WWOX: variants seen among roughly 807,000 people sequenced by gnomAD.
WWOX encodes WW domain-containing oxidoreductase.
WWOX carries 69 observed loss-of-function variants against 46.2 expected under a neutral mutation model. The observed-to-expected ratio is 1.49, with a 90% CI of 1.23 to 1.82. The LOEUF (loss-of-function observed/expected upper bound fraction) is 1.82. Among genes scored for constraint, WWOX ranks in the 40% most tolerant of loss-of-function variants. WWOX has a pLI of 0.00. For synonymous variants in WWOX, 359 were observed against 202.6 expected (o/e 1.77, Z -6.56); for missense variants, 919 against 542.6 (o/e 1.69, Z -6.89).
intron 8 of WWOX, among the ~76,000 whole-genome samples, chr16:79,102,574 A>G (rs1247364856): frequency 1.3e-5 from 2 of 152,214 alleles, no homozygotes; most frequent in African/African-American, 2.4e-5. Context: ...AGCTCAATAT[A>G]TAGCAAACGG....
chr16:79,020,369 C>T (rs949856348), intron 8 of WWOX, among the ~76,000 whole-genome samples: 2 of 152,082 alleles, frequency 1.3e-5, no homozygotes, highest in Non-Finnish European at 2.9e-5. Flanking sequence ...TTATGAATTC[C>T]GGCTCTGCCA....
chr16:78,858,698 G>C (rs1012186832), intron 8 of WWOX, among the ~76,000 whole-genome samples: 3 of 151,032 alleles, frequency 2.0e-5, no homozygotes, highest in Admixed American at 6.6e-5. Context: ...TTATTTTTTT[G>C]AGATAGTGTC....
intron 5 of WWOX, among the ~76,000 whole-genome samples, chr16:78,341,855 C>G (rs1597064941): frequency 8.3e-6 from 1 of 120,650 alleles, no homozygotes; most frequent in Non-Finnish European, 2.0e-5. Flanking sequence ...TGGTGCACAC[C>G]TGTAATTCTA....
At chr16:78,192,322 C>G (rs80289915) in intron 5 of WWOX, among the ~76,000 whole-genome samples, 6,176 of 152,048 alleles carry the variant, frequency 0.041, 202 homozygotes, top group East Asian at 0.17. Flanking sequence ...TGGCAAAACT[C>G]CGTCTCTACT....
At chr16:78,607,898 C>G (rs773994102) in intron 8 of WWOX, among the ~76,000 whole-genome samples, 1 of 152,080 alleles carries the variant, frequency 6.6e-6, no homozygotes, top group Non-Finnish European at 1.5e-5. Flanking sequence ...GGGACCTGCA[C>G]ACATGTTTGA....
chr16:78,947,465 CTCT>C (rs1320441160), intron 8 of WWOX, among the ~76,000 whole-genome samples: 3 of 152,192 alleles, frequency 2.0e-5, no homozygotes, highest in Admixed American at 6.5e-5. Context: ...AGGAAACGCT[CTCT>C]TCTTCTTGCA....
chr16:79,090,250 G>C (rs1005306967), intron 8 of WWOX, among the ~76,000 whole-genome samples: 3 of 151,444 alleles, frequency 2.0e-5, no homozygotes, highest in Non-Finnish European at 4.4e-5. Context: ...TAGCCTCGTG[G>C]GGTGCCATCC....
intron 8 of WWOX, among the ~76,000 whole-genome samples, chr16:78,846,501 G>T (rs1324955433): frequency 6.6e-6 from 1 of 152,010 alleles, no homozygotes; most frequent in Non-Finnish European, 1.5e-5. Flanking sequence ...CGTAATTTGG[G>T]TTTGTCTGAT....
chr16:78,174,929 A>G (rs1181695597), intron 5 of WWOX, among the ~76,000 whole-genome samples: 1 of 151,938 alleles, frequency 6.6e-6, no homozygotes, highest in East Asian at 1.9e-4. Flanking sequence ...TGGAGGTTGC[A>G]GTGAGCCGAG....
chr16:79,152,917 CG>C (rs2050309381), intron 8 of WWOX, among the ~76,000 whole-genome samples: 1 of 152,026 alleles, frequency 6.6e-6, no homozygotes, highest in Non-Finnish European at 1.5e-5. Flanking sequence ...AAGTGGGCTC[CG>C]GGTCTAGGAG....
chr16:78,761,066 G>T (rs1477321069), intron 8 of WWOX, among the ~76,000 whole-genome samples: 1 of 152,142 alleles, frequency 6.6e-6, no homozygotes, highest in African/African-American at 2.4e-5. Context: ...CAACACGTAA[G>T]AATTATGGGA....
chr16:78,905,345 A>G (rs1401644164), intron 8 of WWOX, among the ~76,000 whole-genome samples: 1 of 152,232 alleles, frequency 6.6e-6, no homozygotes, highest in Admixed American at 6.5e-5. Flanking sequence ...AAAGAAATGT[A>G]AATCAAGTGA....
At chr16:78,269,307 C>G (rs1567469490) in intron 5 of WWOX, 1 of 151,980 alleles carries the variant, frequency 6.6e-6, no homozygotes, top group African/African-American at 2.4e-5. Context: ...GCCTAATTAA[C>G]CTTGATTAAT....
At chr16:79,043,331 A>C (rs1406432952) in intron 8 of WWOX, among the ~76,000 whole-genome samples, 2 of 152,226 alleles carry the variant, frequency 1.3e-5, no homozygotes, top group African/African-American at 4.8e-5. Flanking sequence ...GATTAAAAAA[A>C]TGGTTTTTGA....
At chr16:78,424,587 T>G (rs8064007) in intron 6 of WWOX, among the ~76,000 whole-genome samples, 2 of 151,978 alleles carry the variant, frequency 1.3e-5, no homozygotes, top group Non-Finnish European at 2.9e-5. Context: ...GATTGCCTGC[T>G]GCTGTCCTGG....
intron 7 of WWOX, among the ~76,000 whole-genome samples, chr16:78,427,826 C>G (rs753265105): frequency 1.3e-5 from 2 of 151,812 alleles, no homozygotes; most frequent in Non-Finnish European, 1.5e-5. Flanking sequence ...ATAGGCCAGG[C>G]ACAGTGTCTC....
chr16:78,418,293 G>A (rs1429238600), intron 6 of WWOX, among the ~76,000 whole-genome samples: 1 of 152,028 alleles, frequency 6.6e-6, no homozygotes, highest in South Asian at 2.1e-4. Context: ...GAACCCGGGA[G>A]GTGGAGCTTG....
chr16:78,889,544 T>A (rs1189749418), intron 8 of WWOX, among the ~76,000 whole-genome samples: 1 of 152,126 alleles, frequency 6.6e-6, no homozygotes, highest in Non-Finnish European at 1.5e-5. Context: ...GCCATAAGTA[T>A]TGGCCTGTGT....
chr16:78,793,982 T>C (rs1236703796), intron 8 of WWOX, among the ~76,000 whole-genome samples: 2 of 152,120 alleles, frequency 1.3e-5, no homozygotes, highest in African/African-American at 4.8e-5. Flanking sequence ...CCATGCCATA[T>C]AGCAAAGTTC....
Sources: gnomAD v4.1 joint callset for allele counts (sites outside exome capture counted in the v4.1 genomes callset) on GRCh38, gnomAD v4.1.1 for gene constraint, MANE v1.5 for transcripts, NCBI Gene and HGNC (gene_info 2026-07-23, HGNC 2026-07-21) for gene names.